The following MYO5A variants were observed in gnomAD, a reference collection of about 807,000 sequenced individuals.
MYO5A encodes the protein unconventional myosin-Va.
In MYO5A, 98 loss-of-function variants were observed where a neutral mutation model predicts 249.7. That is an observed-to-expected ratio of 0.39 (90% CI 0.33 to 0.46). The LOEUF (loss-of-function observed/expected upper bound fraction) is 0.46. MYO5A is among the 20% of genes least tolerant of loss of function. The pLI is 0.98. For missense variants in MYO5A, 1,696 were observed against 2,308.8 expected (o/e 0.73, Z 5.44); for synonymous variants, 778 against 810.6 (o/e 0.96, Z 0.68).
intron 1 of MYO5A, among the ~76,000 whole-genome samples, chr15:52,521,130 A>C (rs2077609484): frequency 6.6e-6 from 1 of 151,786 alleles, no homozygotes; most frequent in Non-Finnish European, 1.5e-5. Flanking sequence ...CGGGAGGCTG[A>C]GGCAGAAGAA....
At chr15:52,485,911 A>G (rs1423018669) in intron 1 of MYO5A, among the ~76,000 whole-genome samples, 1 of 152,238 alleles carries the variant, frequency 6.6e-6, no homozygotes, top group Admixed American at 6.5e-5. Context: ...GGCGAATCTT[A>G]GGATTTCAAG....
intron 1 of MYO5A, among the ~76,000 whole-genome samples, chr15:52,457,234 G>C (rs1278959939): frequency 2.6e-5 from 4 of 152,126 alleles, no homozygotes; most frequent in African/African-American, 9.7e-5. Context: ...TTGAGCTCAG[G>C]AGTTCAAGAC....
rs779890270 is a variant in MYO5A, at chr15:52,528,757, A to G, written c.27+23T>C. 1.7e-4 allele frequency: 258 copies of G among 1,502,848 alleles called. No individual in the cohort carries two copies. In the African/African-American group the frequency reaches 3.5e-3, roughly 20 times the overall value. 93.1% of individuals were successfully genotyped at this position (1,502,848 alleles called of 1,614,324 possible). A position where few individuals can be genotyped will look rare whatever the true frequency, so the allele number is the denominator to read the frequency against. ...GAGGGCCGCACAGCCCCAGTCCTCG[A>G]CGCCGGCCGCGGGGTGCCTTACCTT... On this transcript the variant is annotated intron_variant, in intron 1 of 41. Coordinates refer to ENST00000399233, the MANE Select transcript of MYO5A (RefSeq NM_001382347.1).
chr15:52,448,829 A>C (rs557461156), intron 1 of MYO5A, among the ~76,000 whole-genome samples: 2 of 151,824 alleles, frequency 1.3e-5, no homozygotes, highest in South Asian at 4.2e-4. Flanking sequence ...CCATGATTGT[A>C]AATTTCCTGA....
chr15:52,381,714 T>C (rs1452075135), intron 16 of MYO5A, among the ~76,000 whole-genome samples: 1 of 151,768 alleles, frequency 6.6e-6, no homozygotes, highest in Non-Finnish European at 1.5e-5. Flanking sequence ...TCTGTCAAGT[T>C]AAAAGTAAAG....
Position 52,431,444 on chromosome 15 carries a change from T to C in MYO5A, c.138+1731A>G, listed in dbSNP as rs917554379. Among the ~76,000 whole-genome samples the C allele has an allele frequency of 7.9e-5, 12 of 151,720 alleles. 1 individual carries two copies. In the South Asian group the frequency reaches 8.3e-4, roughly 10 times the overall value. On this transcript the variant is annotated intron_variant, in intron 2 of 41. Coordinates refer to ENST00000399233, the MANE Select transcript of MYO5A (RefSeq NM_001382347.1). Reference sequence around the variant, plus strand: ...AACATAGACATAAAGTAAGTATAGATGGTTGAGTATACATTAGTATAGTAT... The same window carrying C: ...AACATAGACATAAAGTAAGTATAGACGGTTGAGTATACATTAGTATAGTAT...
chr15:52,459,133 G>A (rs1405013804), intron 1 of MYO5A, among the ~76,000 whole-genome samples: 2 of 115,398 alleles, frequency 1.7e-5, no homozygotes, highest in East Asian at 6.0e-4. Flanking sequence ...CTGAGTAGCT[G>A]GGATTTTCCA....
At chr15:52,376,579 A>G in intron 18 of MYO5A, 21 bp from the exon 19 acceptor site, 1 of 1,590,456 alleles carries the variant, frequency 6.3e-7, no homozygotes, top group Non-Finnish European at 8.6e-7. Context: ...AAGAAATTGT[A>G]TATTCAGAAA....
At chr15:52,436,639 C>CATA (rs1435388502) in intron 1 of MYO5A, among the ~76,000 whole-genome samples, 1 of 152,220 alleles carries the variant, frequency 6.6e-6, no homozygotes, top group Non-Finnish European at 1.5e-5. Flanking sequence ...TTCATTAGAA[C>CATA]ATAAGTTCTG....
intron 34 of MYO5A, among the ~76,000 whole-genome samples, chr15:52,334,129 T>C (rs1286075385): frequency 1.3e-5 from 2 of 152,248 alleles, no homozygotes; most frequent in Non-Finnish European, 2.9e-5. Flanking sequence ...TGATTTCTGA[T>C]TGACAATGGC....
chr15:52,520,578 G>A (rs2077597235), intron 1 of MYO5A, among the ~76,000 whole-genome samples: 1 of 152,214 alleles, frequency 6.6e-6, no homozygotes, highest in Non-Finnish European at 1.5e-5. Context: ...TTCCAGCCAT[G>A]CCTAGATTTT....
chr15:52,438,236 A>G (rs1248380582), intron 1 of MYO5A, among the ~76,000 whole-genome samples: 1 of 152,150 alleles, frequency 6.6e-6, no homozygotes, highest in Non-Finnish European at 1.5e-5. Flanking sequence ...TGGCAGGAAT[A>G]GAACTAAACT....
chr15:52,341,498 C>T (rs753411604), intron 31 of MYO5A, among the ~76,000 whole-genome samples: 8 of 152,194 alleles, frequency 5.3e-5, no homozygotes, highest in Non-Finnish European at 8.8e-5. Flanking sequence ...CCCTTTGCCA[C>T]GCACCCCTGC....
intron 1 of MYO5A, among the ~76,000 whole-genome samples, chr15:52,508,147 T>C (rs77574194): frequency 6.6e-6 from 1 of 152,156 alleles, no homozygotes; most frequent in Non-Finnish European, 1.5e-5. Flanking sequence ...ATTCATTTTA[T>C]GTATTTGTTA....
chr15:52,353,790 G>A, intron 26 of MYO5A, 81 bp downstream of exon 26: 1 of 1,605,654 alleles, frequency 6.2e-7, no homozygotes. Flanking sequence ...GATAGGCTGG[G>A]CTGAGTCTCC....
chr15:52,471,592 A>AACACACACACACACACACACACACACAC (rs111751236), intron 1 of MYO5A, among the ~76,000 whole-genome samples: 14 of 144,970 alleles, frequency 9.7e-5, no homozygotes, highest in African/African-American at 2.9e-4. Flanking sequence ...CTGTCTCTAA[A>AACACACACACACACACACACACACACAC]ACACACACAC....
intron 1 of MYO5A, among the ~76,000 whole-genome samples, chr15:52,469,681 T>A (rs180960018): frequency 5.7e-4 from 87 of 152,374 alleles, no homozygotes; most frequent in Non-Finnish European, 1.2e-3. Context: ...CTGCAACTGT[T>A]TGATTTTGTT....
At chr15:52,508,405 A>C (rs2077319034) in intron 1 of MYO5A, among the ~76,000 whole-genome samples, 1 of 152,092 alleles carries the variant, frequency 6.6e-6, no homozygotes, top group African/African-American at 2.4e-5. Context: ...AAGTAGAACT[A>C]ACCTGACAAA....
At chr15:52,524,532 C>A (rs1041292223) in intron 1 of MYO5A, among the ~76,000 whole-genome samples, 2 of 150,708 alleles carry the variant, frequency 1.3e-5, no homozygotes, top group Non-Finnish European at 2.9e-5. Context: ...TCAGCCTGGA[C>A]AACAGAGTGA....
Sources: gnomAD v4.1 joint callset for allele counts (sites outside exome capture counted in the v4.1 genomes callset) on GRCh38, gnomAD v4.1.1 for gene constraint, MANE v1.5 for transcripts, NCBI Gene and HGNC (gene_info 2026-07-23, HGNC 2026-07-21) for gene names.